The following ADGRG4 variants were observed in gnomAD, a reference collection of about 807,000 sequenced individuals.
The protein encoded by ADGRG4 is adhesion G protein-coupled receptor G4.
A neutral mutation model predicts 126.2 loss-of-function variants in ADGRG4; 122 were observed. The ratio of observed to expected loss-of-function variants is 0.97; its 90% CI spans 0.83 to 1.12. The LOEUF is 1.12. Ranked by LOEUF, ADGRG4 falls within the 50% of genes most tolerant of loss-of-function variation. ADGRG4 has a pLI of 0.00. For synonymous variants in ADGRG4, 943 were observed against 838.7 expected (o/e 1.12, Z -2.15); for missense variants, 2,481 against 2,251.8 (o/e 1.10, Z -2.06).
At chrX:136,321,988 G>T (rs185753793) in intron 4 of ADGRG4, among the ~76,000 whole-genome samples, 19 of 111,931 alleles carry the variant, frequency 1.7e-4, no homozygotes, top group Admixed American at 1.6e-3. Context: ...AGCAAACATT[G>T]AGGTATCAGG....
At chrX:136,395,531 A>T in intron 19 of ADGRG4, 38 bp downstream of exon 19, 1 of 832,156 alleles carries the variant, frequency 1.2e-6, no homozygotes, top group South Asian at 2.4e-5. Context: ...TGGAAGTTTG[A>T]CAATTTTTAT....
chrX:136,302,414 T>C (rs2074706931), intron 1 of ADGRG4, among the ~76,000 whole-genome samples: 1 of 111,974 alleles, frequency 8.9e-6, no homozygotes, highest in African/African-American at 3.2e-5. Flanking sequence ...TTCAGCAAAG[T>C]CTCAGGATAC....
chrX:136,311,516 G>A (rs1349926659), intron 4 of ADGRG4, among the ~76,000 whole-genome samples: 4 of 110,823 alleles, frequency 3.6e-5, no homozygotes, highest in Non-Finnish European at 7.6e-5. Flanking sequence ...AGGAGGCTGG[G>A]GTTTTGTGAC....
intron 3 of ADGRG4, among the ~76,000 whole-genome samples, chrX:136,307,007 C>T (rs1043558551): frequency 8.9e-6 from 1 of 112,012 alleles, no homozygotes; most frequent in African/African-American, 3.2e-5. Flanking sequence ...AGCCACCATG[C>T]CCAGCCTTTA....
chrX:136,414,669 C>T (rs1184201820), intron 25 of ADGRG4, among the ~76,000 whole-genome samples: 1 of 112,401 alleles, frequency 8.9e-6, no homozygotes, highest in East Asian at 2.8e-4. Context: ...ATTGTCTAGT[C>T]CAATCCGTTC....
intron 15 of ADGRG4, among the ~76,000 whole-genome samples, chrX:136,382,402 G>A (rs891949153): frequency 8.9e-6 from 1 of 112,183 alleles, no homozygotes; most frequent in Non-Finnish European, 1.9e-5. Flanking sequence ...AAAGAAGGAG[G>A]AAATATTCAT....
At position 136,351,339 on chromosome X, in the gene ADGRG4, G is replaced by A. The variant is rs761104313; in HGVS notation, c.6728-108G>A. On this transcript the variant is annotated intron_variant, in intron 6 of 25. Transcript: ENST00000394143. ...ATTAAGCTAAGTTTAGGCATGAGAC[G>A]TTATTATTTGGTTTACTTTAAAACA... 8.9e-5 allele frequency: 34 copies of A among 384,026 alleles called. No homozygotes were observed. In the South Asian group the frequency reaches 1.6e-3, roughly 19 times the overall value. 31.6% of individuals were successfully genotyped at this position (384,026 alleles called of 1,213,427 possible).
chrX:136,324,155 C>A (rs1214599334), intron 5 of ADGRG4, among the ~76,000 whole-genome samples: 1 of 111,073 alleles, frequency 9.0e-6, no homozygotes, highest in East Asian at 2.8e-4. Flanking sequence ...TGATGTCTGT[C>A]AGATTTCTCC....
chrX:136,323,593 C>CACACAT (rs1349648858), intron 5 of ADGRG4, among the ~76,000 whole-genome samples: 4 of 109,225 alleles, frequency 3.7e-5, no homozygotes, highest in African/African-American at 1.3e-4. Flanking sequence ...CACACACACA[C>CACACAT]ACACACACAC....
At chrX:136,356,872 G>A (rs769087288) in intron 9 of ADGRG4, among the ~76,000 whole-genome samples, 1 of 111,203 alleles carries the variant, frequency 9.0e-6, no homozygotes, top group Non-Finnish European at 1.9e-5. Flanking sequence ...GCACGGTGGT[G>A]CATTCCTGTA....
At chrX:136,355,681 A>G (rs1221932151) in intron 8 of ADGRG4, among the ~76,000 whole-genome samples, 1 of 111,946 alleles carries the variant, frequency 8.9e-6, no homozygotes, top group African/African-American at 3.2e-5. Flanking sequence ...TCTCCTCTAC[A>G]TACTGTTTGA....
chrX:136,400,799 G>T (rs979974497), intron 21 of ADGRG4, among the ~76,000 whole-genome samples: 1 of 112,334 alleles, frequency 8.9e-6, no homozygotes, highest in East Asian at 2.8e-4. Context: ...AGCCAGGAAT[G>T]GTTCTCAGCA....
chrX:136,352,716 ATC>A (rs2075070176), intron 7 of ADGRG4, among the ~76,000 whole-genome samples: 1 of 111,533 alleles, frequency 9.0e-6, no homozygotes, highest in African/African-American at 3.3e-5. Context: ...AAATAATCAT[ATC>A]TGTTTCCCTT....
At chrX:136,381,896 A>T (rs1160683113) in intron 15 of ADGRG4, among the ~76,000 whole-genome samples, 1 of 111,149 alleles carries the variant, frequency 9.0e-6, no homozygotes, top group East Asian at 2.8e-4. Context: ...AGGCTAAGCC[A>T]GTCTCTCCTT....
At chrX:136,331,181 T>G (rs1292710742) in intron 5 of ADGRG4, among the ~76,000 whole-genome samples, 1 of 112,359 alleles carries the variant, frequency 8.9e-6, no homozygotes, top group Non-Finnish European at 1.9e-5. Flanking sequence ...CTGGATCTCA[T>G]TTTTTTGTGG....
At chrX:136,323,756 T>C (rs2074855787) in intron 5 of ADGRG4, among the ~76,000 whole-genome samples, 1 of 111,871 alleles carries the variant, frequency 8.9e-6, no homozygotes, top group African/African-American at 3.2e-5. Flanking sequence ...AAGTTGATGT[T>C]GATACAATAC....
chrX:136,321,152 A>C (rs919975029), intron 4 of ADGRG4, among the ~76,000 whole-genome samples: 1 of 111,887 alleles, frequency 8.9e-6, no homozygotes, highest in South Asian at 3.8e-4. Flanking sequence ...GTCTTGTGGG[A>C]TTAACTCTTG....
intron 16 of ADGRG4, among the ~76,000 whole-genome samples, chrX:136,391,271 T>C (rs1259549079): frequency 9.0e-6 from 1 of 110,598 alleles, no homozygotes; most frequent in Non-Finnish European, 1.9e-5. Context: ...TCCTCAGAGA[T>C]TTTTCTTCCT....
chrX:136,339,451 G>T (rs971778373), intron 5 of ADGRG4, among the ~76,000 whole-genome samples: 3 of 111,628 alleles, frequency 2.7e-5, no homozygotes, highest in Admixed American at 1.9e-4. Flanking sequence ...GCTTCTCTTG[G>T]TTGCTTATTG....
Sources: allele counts gnomAD v4.1 joint callset (sites outside exome capture counted in the v4.1 genomes callset), GRCh38; gene constraint gnomAD v4.1.1; transcripts MANE v1.5; gene names NCBI Gene and HGNC (gene_info 2026-07-23, HGNC 2026-07-21).